SERGEF: variants seen among roughly 807,000 people sequenced by gnomAD.
The protein encoded by SERGEF is secretion-regulating guanine nucleotide exchange factor.
SERGEF carries 51 observed loss-of-function variants against 50.0 expected under a neutral mutation model. That is an observed-to-expected ratio of 1.02 (90% CI 0.81 to 1.29). The LOEUF is 1.29. SERGEF is among the 50% of genes most tolerant of loss of function. The probability of loss-of-function intolerance (pLI) is 0.00; values close to 1 mark genes in which losing one functional copy is unlikely to be tolerated. For missense variants in SERGEF, 521 were observed against 557.0 expected (o/e 0.94, Z 0.65); for synonymous variants, 205 against 212.4 (o/e 0.97, Z 0.30).
intron 9 of SERGEF, among the ~76,000 whole-genome samples, chr11:17,893,217 G>A (rs2133912401): frequency 6.6e-6 from 1 of 152,236 alleles, no homozygotes; most frequent in East Asian, 1.9e-4. Context: ...GTTTTATTAT[G>A]ACTTTTTTAA....
At chr11:17,919,876 G>A (rs1453546015) in intron 9 of SERGEF, among the ~76,000 whole-genome samples, 2 of 151,680 alleles carry the variant, frequency 1.3e-5, no homozygotes, top group Non-Finnish European at 2.9e-5. Context: ...AACCTGGGGA[G>A]CGGAGGTTGC....
intron 10 of SERGEF, among the ~76,000 whole-genome samples, chr11:17,812,082 G>A (rs570446029): frequency 6.0e-4 from 91 of 152,336 alleles, no homozygotes; most frequent in African/African-American, 2.1e-3. Context: ...GAAGGGGCAG[G>A]AGGCAGCTGG....
Position 17,888,675 on chromosome 11 carries a change from ACACG to A in SERGEF, c.1012-10435_1012-10432del, listed in dbSNP as rs1225567585. On this transcript the variant is annotated intron_variant, in intron 9 of 10. Transcript: ENST00000265965. The surrounding 1 kb of genome is among the most constrained non-coding windows in gnomAD (Gnocchi z 4.1). ...CACACACACACACACACACACACACACACGCATTGAGTTAAACCAACATGAAATT... is the reference window on the plus strand; with the variant it reads ...CACACACACACACACACACACACACACATTGAGTTAAACCAACATGAAATT... 6.0e-4 allele frequency among the ~76,000 whole-genome samples: 86 copies of A among 143,762 alleles called. No homozygotes were observed. Among genetic ancestry groups the A allele is most frequent in the African/African-American group, 2.1e-3 (84 of 39,374 alleles). 94.3% of individuals were successfully genotyped at this position (143,762 alleles called of 152,430 possible).
At chr11:17,915,449 C>T (rs149687929) in intron 9 of SERGEF, among the ~76,000 whole-genome samples, 1 of 152,152 alleles carries the variant, frequency 6.6e-6, no homozygotes, top group African/African-American at 2.4e-5. Context: ...CAGAAGAAAT[C>T]AAAGGGAGAG....
chr11:17,820,015 AT>A (rs906501422), intron 10 of SERGEF, among the ~76,000 whole-genome samples: 2 of 150,628 alleles, frequency 1.3e-5, no homozygotes, highest in South Asian at 2.1e-4. Flanking sequence ...TTAAAAAAAA[AT>A]TTTTTTTTGT....
intron 10 of SERGEF, among the ~76,000 whole-genome samples, chr11:17,868,757 A>C (rs12275869): frequency 0.28 from 42,016 of 151,952 alleles, 6,669 homozygotes; most frequent in East Asian, 0.51. Flanking sequence ...GGCAGAAAGC[A>C]AGGAGGAGAA....
rs984097132 is a variant in SERGEF at position 17,937,171 on chromosome 11, A to G, written c.1011+22299T>C. On this transcript the variant is annotated intron_variant, in intron 9 of 10. Coordinates refer to ENST00000265965, the MANE Select transcript of SERGEF (RefSeq NM_012139.4). ...TAATTGTAGGTGGAAATATGAATATAAAGCAAACATACTATCTATAATGTC... is the reference window on the plus strand; with the variant it reads ...TAATTGTAGGTGGAAATATGAATATGAAGCAAACATACTATCTATAATGTC... 2.0e-5 allele frequency among the ~76,000 whole-genome samples: 3 copies of G among 152,192 alleles called. No individual in the cohort carries two copies. The East Asian group carries it at 5.8e-4, about 29-fold the overall frequency.
chr11:18,002,610 C>A (rs1007100352), intron 4 of SERGEF, among the ~76,000 whole-genome samples: 9 of 152,222 alleles, frequency 5.9e-5, no homozygotes, highest in Admixed American at 4.6e-4. Context: ...GCTTAAGCCT[C>A]TTCTCACCCC....
chr11:17,813,191 C>T (rs765677766), intron 10 of SERGEF, among the ~76,000 whole-genome samples: 2 of 152,196 alleles, frequency 1.3e-5, no homozygotes, highest in African/African-American at 2.4e-5. Flanking sequence ...ATACCAGTAT[C>T]CTGTCTACCT....
intron 10 of SERGEF, among the ~76,000 whole-genome samples, chr11:17,820,028 G>A (rs1234528911): frequency 6.6e-6 from 1 of 151,946 alleles, no homozygotes; most frequent in Non-Finnish European, 1.5e-5. Context: ...TTTTTTTGTA[G>A]AGGCGGGGTT....
chr11:17,993,705 C>G (rs1853768928), intron 6 of SERGEF, among the ~76,000 whole-genome samples: 1 of 152,148 alleles, frequency 6.6e-6, no homozygotes, highest in Non-Finnish European at 1.5e-5. Context: ...ATGGCCCTCA[C>G]ACCTTCAAGT....
intron 8 of SERGEF, among the ~76,000 whole-genome samples, chr11:17,975,295 T>C (rs1268796002): frequency 6.6e-6 from 1 of 152,200 alleles, no homozygotes; most frequent in African/African-American, 2.4e-5. Flanking sequence ...ATTAAACAAA[T>C]GTTTGTAAAG....
At chr11:17,789,738 A>G (rs1273210818) in intron 10 of SERGEF, among the ~76,000 whole-genome samples, 1 of 152,236 alleles carries the variant, frequency 6.6e-6, no homozygotes, top group Admixed American at 6.5e-5. Context: ...TAATTTGTGA[A>G]ATTTATAAAT....
intron 3 of SERGEF, among the ~76,000 whole-genome samples, chr11:18,005,081 C>T (rs1854046636): frequency 6.6e-6 from 1 of 152,182 alleles, no homozygotes; most frequent in Non-Finnish European, 1.5e-5. Flanking sequence ...CCACTGGCCT[C>T]ATAATTAATA....
At chr11:17,899,514 A>G (rs1242854537) in intron 9 of SERGEF, among the ~76,000 whole-genome samples, 2 of 152,208 alleles carry the variant, frequency 1.3e-5, no homozygotes, top group Non-Finnish European at 2.9e-5. Context: ...CCAAAGGTGT[A>G]CCTATTAATA....
chr11:17,896,667 ACGGGAAGGGAAGGGGAAGGGAAAG>A (rs1409466904), intron 9 of SERGEF, among the ~76,000 whole-genome samples: 1 of 58,012 alleles, frequency 1.7e-5, no homozygotes, highest in Non-Finnish European at 3.5e-5. Flanking sequence ...GGGAAGGGTA[ACGGGAAGGGAAGGGGAAGGGAAAG>A]GGGAAGGGTA....
chr11:17,877,453 T>C (rs1205840426), intron 10 of SERGEF, among the ~76,000 whole-genome samples: 2 of 152,232 alleles, frequency 1.3e-5, no homozygotes, highest in Admixed American at 6.5e-5. Context: ...AACTTATCCC[T>C]GCAACAACAC....
intron 10 of SERGEF, among the ~76,000 whole-genome samples, chr11:17,871,094 C>T (rs1389294847): frequency 1.3e-5 from 2 of 152,114 alleles, no homozygotes; most frequent in Non-Finnish European, 2.9e-5. Flanking sequence ...CATAAGAATA[C>T]TTTCATGATC....
At chr11:17,989,335 GA>G (rs1026377894) in intron 7 of SERGEF, among the ~76,000 whole-genome samples, 1 of 152,186 alleles carries the variant, frequency 6.6e-6, no homozygotes, top group Non-Finnish European at 1.5e-5. Flanking sequence ...AACAGAAAGA[GA>G]ACAAATTCAG....
Sources: allele counts gnomAD v4.1 joint callset (sites outside exome capture counted in the v4.1 genomes callset), GRCh38; gene constraint gnomAD v4.1.1; non-coding constraint Gnocchi (gnomAD v3.1); transcripts MANE v1.5; gene names NCBI Gene and HGNC (gene_info 2026-07-23, HGNC 2026-07-21).